The following PLEKHD1 variants were observed in gnomAD, a reference collection of about 807,000 sequenced individuals.
PLEKHD1 encodes pleckstrin homology domain-containing family D member 1.
PLEKHD1 carries 51 observed loss-of-function variants against 69.2 expected under a neutral mutation model. The ratio of observed to expected loss-of-function variants is 0.74; its 90% CI spans 0.59 to 0.93. The LOEUF (loss-of-function observed/expected upper bound fraction) is 0.93. Ranked by LOEUF, PLEKHD1 falls within the 40% of genes least tolerant of loss-of-function variation. PLEKHD1 has a pLI of 0.00. For synonymous variants in PLEKHD1, 236 were observed against 244.7 expected, an observed-to-expected ratio of 0.96 and a Z score of 0.33; for missense variants, 584 against 641.0, an observed-to-expected ratio of 0.91 and a Z score of 0.96.
chr14:69,523,007 C>T (rs372522965), intron 7 of PLEKHD1, among the ~76,000 whole-genome samples: 8 of 152,262 alleles, frequency 5.3e-5, no homozygotes, highest in African/African-American at 1.4e-4. Context: ...GATCTCGGCT[C>T]ACTGCAGCCC....
intron 6 of PLEKHD1, among the ~76,000 whole-genome samples, chr14:69,519,467 G>A (rs1883460236): frequency 6.6e-6 from 1 of 152,252 alleles, no homozygotes; most frequent in Non-Finnish European, 1.5e-5. Flanking sequence ...AGCAATAAAT[G>A]CTGTGCGGGC....
At chr14:69,520,219 TC>T (rs1883482696) in intron 6 of PLEKHD1, among the ~76,000 whole-genome samples, 1 of 148,358 alleles carries the variant, frequency 6.7e-6, no homozygotes. Context: ...TTTGTTATTT[TC>T]CAGTGTAAGC....
At chr14:69,489,558 C>CAAAAAAAAA (rs1166429791) in intron 1 of PLEKHD1, among the ~76,000 whole-genome samples, 1 of 59,878 alleles carries the variant, frequency 1.7e-5, no homozygotes, top group Admixed American at 2.7e-4. Flanking sequence ...TACTCCATCT[C>CAAAAAAAAA]AAAAAAAAAA....
chr14:69,492,159 AC>A (rs1389398821), intron 1 of PLEKHD1, among the ~76,000 whole-genome samples: 4 of 152,100 alleles, frequency 2.6e-5, no homozygotes, highest in Non-Finnish European at 5.9e-5. Context: ...ACCACTGCCC[AC>A]CCTTTGCACT....
chr14:69,488,072 G>A (rs925636811), intron 1 of PLEKHD1, among the ~76,000 whole-genome samples: 4 of 152,168 alleles, frequency 2.6e-5, no homozygotes, highest in Admixed American at 6.5e-5. Context: ...AGCCAGTAGG[G>A]CCTGAACCGA....
At chr14:69,501,116 A>G (rs1883015117) in intron 4 of PLEKHD1, 169 bp downstream of exon 4, 2 of 676,968 alleles carry the variant, frequency 3.0e-6, no homozygotes, top group Non-Finnish European at 5.1e-6. Flanking sequence ...AGCATCTGTG[A>G]GGGGTCCCCT....
intron 1 of PLEKHD1, among the ~76,000 whole-genome samples, chr14:69,487,228 A>G (rs1010170055): frequency 8.2e-6 from 1 of 122,066 alleles, no homozygotes; most frequent in Non-Finnish European, 1.8e-5. Context: ...CACACACGCT[A>G]TTTAGTCTTG....
intron 9 of PLEKHD1, 58 bp from the exon 10 acceptor site, chr14:69,526,639 C>T (rs1883654133): frequency 1.0e-5 from 15 of 1,439,340 alleles, no homozygotes; most frequent in African/African-American, 2.9e-5. Context: ...GCTGTCCATC[C>T]ATTGGCAATC....
chr14:69,494,157 C>T (rs1882835771), intron 1 of PLEKHD1, among the ~76,000 whole-genome samples: 1 of 152,258 alleles, frequency 6.6e-6, no homozygotes, highest in African/African-American at 2.4e-5. Flanking sequence ...AAATATTTAC[C>T]ACCATGTTCT....
chr14:69,510,543 A>G (rs1883248236), intron 6 of PLEKHD1, among the ~76,000 whole-genome samples: 1 of 152,216 alleles, frequency 6.6e-6, no homozygotes, highest in Non-Finnish European at 1.5e-5. Flanking sequence ...AAAAAATCTC[A>G]AATTCCACCT....
intron 8 of PLEKHD1, 34 bp downstream of exon 8, chr14:69,524,356 G>A: frequency 6.6e-7 from 1 of 1,520,974 alleles, no homozygotes; most frequent in Non-Finnish European, 8.9e-7. Context: ...TTGACCAGGT[G>A]GCAGGCTGGT....
chr14:69,521,316 G>A (rs574611617), intron 6 of PLEKHD1, among the ~76,000 whole-genome samples: 1 of 152,240 alleles, frequency 6.6e-6, no homozygotes, highest in Admixed American at 6.5e-5. Context: ...AGGTCATAGG[G>A]TTTGAACGCA....
chr14:69,487,627 C>A (rs74061834), intron 1 of PLEKHD1, among the ~76,000 whole-genome samples: 11 of 152,328 alleles, frequency 7.2e-5, no homozygotes, highest in African/African-American at 2.4e-4. Context: ...GCCCTGCCTG[C>A]CTGGGGTGGG....
At chr14:69,492,010 T>C (rs1356765282) in intron 1 of PLEKHD1, among the ~76,000 whole-genome samples, 2 of 152,154 alleles carry the variant, frequency 1.3e-5, no homozygotes, top group African/African-American at 4.8e-5. Flanking sequence ...TATGACCTTA[T>C]AAGTGCCCTG....
intron 4 of PLEKHD1, 112 bp downstream of exon 4, chr14:69,501,059 T>G: frequency 8.9e-7 from 1 of 1,121,700 alleles, no homozygotes; most frequent in South Asian, 1.3e-5. Flanking sequence ...GGGCCAGGGC[T>G]GTGGGAGATG....
At chr14:69,508,105 A>T (rs1045971066) in intron 6 of PLEKHD1, among the ~76,000 whole-genome samples, 3 of 152,220 alleles carry the variant, frequency 2.0e-5, no homozygotes, top group African/African-American at 7.2e-5. Flanking sequence ...ATGCCATCTT[A>T]AAATTTTTAT....
chr14:69,467,985 A>G, the PLEKHD1 span, among the ~76,000 whole-genome samples: 1 of 152,232 alleles, frequency 6.6e-6, no homozygotes, highest in African/African-American at 2.4e-5. Flanking sequence ...TAGTTCTCCA[A>G]TACCTCATCT....
chr14:69,500,897 G>T lies in PLEKHD1; in HGVS notation c.360G>T (p.Ser120=), dbSNP rs374305748. The change falls in exon 4 of 13, where the codon TCG becomes TCT. Residue 120 remains serine (S), a synonymous_variant. Coordinates refer to ENST00000322564, the MANE Select transcript of PLEKHD1 (RefSeq NM_001161498.2). ...FHGNILLAAE[S]EFEQTQWLEM... ...GGAACATCTTGCTTGCTGCTGAGTC[G>T]GAGTTTGAGCAGACCCAGTGGCTGG... The T allele has an allele frequency of 1.3e-6, 2 of 1,551,558 alleles. No homozygotes were observed. The highest frequency in any genetic ancestry group is 2.7e-5 in the African/African-American group (2 of 73,060).
chr14:69,503,108 G>A, intron 6 of PLEKHD1: 1 of 544,144 alleles, frequency 1.8e-6, no homozygotes. Context: ...GAAAAGGGTG[G>A]GTGATGACCT....
Sources: allele counts gnomAD v4.1 joint callset (sites outside exome capture counted in the v4.1 genomes callset), GRCh38; gene constraint gnomAD v4.1.1; transcripts MANE v1.5; gene names NCBI Gene and HGNC (gene_info 2026-07-23, HGNC 2026-07-21).